COMMD10: variants seen among roughly 807,000 people sequenced by gnomAD.
COMMD10 encodes COMM domain-containing protein 10.
A neutral mutation model predicts 28.9 loss-of-function variants in COMMD10; 33 were observed. The ratio of observed to expected loss-of-function variants is 1.14; its 90% confidence interval spans 0.87 to 1.53. The LOEUF (loss-of-function observed/expected upper bound fraction) is 1.53. Ranked by LOEUF, COMMD10 falls within the 40% of genes most tolerant of loss-of-function variation. COMMD10 has a pLI of 0.00. For missense variants in COMMD10, 310 were observed against 233.4 expected, an observed-to-expected ratio of 1.33 and a Z score of -2.14; for synonymous variants, 110 against 81.7, an observed-to-expected ratio of 1.35 and a Z score of -1.87.
At chr5:116,185,399 G>C (rs1748104204) in intron 5 of COMMD10, among the ~76,000 whole-genome samples, 1 of 152,196 alleles carries the variant, frequency 6.6e-6, no homozygotes, top group Middle Eastern at 3.4e-3. Context: ...GTATTTCTGT[G>C]CAAGATATTG....
chr5:116,105,206 G>A (rs1353282909), intron 4 of COMMD10, among the ~76,000 whole-genome samples: 2 of 152,126 alleles, frequency 1.3e-5, no homozygotes, highest in African/African-American at 4.8e-5. Context: ...TTCTGCATCT[G>A]TTGAGATAAT....
rs772860202 is a variant in COMMD10, at chr5:116,180,653, C to T, written c.510+46475C>T. Among the ~76,000 whole-genome samples, 83 of 151,312 alleles carry T rather than the reference C, an allele frequency of 5.5e-4. 1 individual carries two copies. Among genetic ancestry groups the T allele is most frequent in the Middle Eastern group, 6.8e-3 (2 of 292 alleles). Reference sequence around the variant, plus strand: ...CAATCTTAAAAGTTTATTTGAAAAACGAATTTAGTGAAACCAAAATTAAAA... The same window carrying T: ...CAATCTTAAAAGTTTATTTGAAAAATGAATTTAGTGAAACCAAAATTAAAA... On this transcript the variant is annotated intron_variant, in intron 5 of 6. Transcript: ENST00000274458.
At chr5:116,142,453 G>T (rs1752223490) in intron 5 of COMMD10, among the ~76,000 whole-genome samples, 1 of 151,764 alleles carries the variant, frequency 6.6e-6, no homozygotes, top group South Asian at 2.1e-4. Flanking sequence ...TATTCCTCAA[G>T]AGGATGATTA....
chr5:116,281,635 T>G (rs1751071846), intron 5 of COMMD10, among the ~76,000 whole-genome samples: 1 of 151,864 alleles, frequency 6.6e-6, no homozygotes, highest in East Asian at 1.9e-4. Flanking sequence ...TCTTCCAGTT[T>G]CTCTATATTT....
chr5:116,263,211 G>A (rs1394158665), intron 5 of COMMD10, among the ~76,000 whole-genome samples: 5 of 151,646 alleles, frequency 3.3e-5, no homozygotes, highest in Admixed American at 1.3e-4. Context: ...ACTAAGATAC[G>A]TCTGAATTGG....
intron 4 of COMMD10, among the ~76,000 whole-genome samples, chr5:116,118,274 C>G (rs1370387023): frequency 1.3e-5 from 2 of 151,544 alleles, no homozygotes; most frequent in African/African-American, 4.8e-5. Flanking sequence ...TTTTTGTGGC[C>G]CACTATATAT....
At chr5:116,225,681 C>G (rs1749376908) in intron 5 of COMMD10, among the ~76,000 whole-genome samples, 1 of 152,076 alleles carries the variant, frequency 6.6e-6, no homozygotes. Context: ...TTGACAGTAG[C>G]CATGCCAGCT....
At chr5:116,156,509 A>C (rs902689768) in intron 5 of COMMD10, among the ~76,000 whole-genome samples, 5 of 152,140 alleles carry the variant, frequency 3.3e-5, no homozygotes, top group African/African-American at 9.7e-5. Context: ...GGTTCTTACA[A>C]CACCATTATT....
intron 5 of COMMD10, among the ~76,000 whole-genome samples, chr5:116,237,483 C>G (rs1749698732): frequency 6.6e-6 from 1 of 151,944 alleles, no homozygotes; most frequent in Admixed American, 6.6e-5. Context: ...AATACTACAT[C>G]AAGCTTTTAT....
At chr5:116,137,083 C>T (rs1434584624) in intron 5 of COMMD10, among the ~76,000 whole-genome samples, 2 of 152,026 alleles carry the variant, frequency 1.3e-5, no homozygotes, top group Non-Finnish European at 2.9e-5. Flanking sequence ...ACTACTATAC[C>T]TCTTTTCCTC....
At chr5:116,214,156 T>C (rs1208485794) in intron 5 of COMMD10, among the ~76,000 whole-genome samples, 1 of 152,138 alleles carries the variant, frequency 6.6e-6, no homozygotes, top group African/African-American at 2.4e-5. Flanking sequence ...TGTTGCTTTC[T>C]GGACCTTTGT....
At chr5:116,211,065 A>G (rs1226276053) in intron 5 of COMMD10, among the ~76,000 whole-genome samples, 1 of 152,078 alleles carries the variant, frequency 6.6e-6, no homozygotes, top group Non-Finnish European at 1.5e-5. Context: ...TAAATTTTGG[A>G]AAAAATTATA....
intron 5 of COMMD10, among the ~76,000 whole-genome samples, chr5:116,227,538 G>A (rs1749423786): frequency 6.6e-6 from 1 of 152,046 alleles, no homozygotes; most frequent in Admixed American, 6.6e-5. Flanking sequence ...CCACATTTAT[G>A]TTTTGTCTCC....
chr5:116,125,045 C>G (rs1015171400), intron 4 of COMMD10, among the ~76,000 whole-genome samples: 2 of 152,082 alleles, frequency 1.3e-5, no homozygotes, highest in African/African-American at 4.8e-5. Flanking sequence ...AACATTTAGC[C>G]CATTTACATT....
chr5:116,205,917 A>G (rs1748800890), intron 5 of COMMD10, among the ~76,000 whole-genome samples: 1 of 152,128 alleles, frequency 6.6e-6, no homozygotes, highest in South Asian at 2.1e-4. Context: ...TTTCCCGAAA[A>G]CACTTTGAAT....
At chr5:116,212,651 A>T (rs1820053) in intron 5 of COMMD10, among the ~76,000 whole-genome samples, 48,811 of 151,944 alleles carry the variant, frequency 0.32, 11,093 homozygotes, top group African/African-American at 0.65. Flanking sequence ...TGAAATTACT[A>T]TTGACATTTT....
intron 5 of COMMD10, among the ~76,000 whole-genome samples, chr5:116,170,867 T>C (rs1753304013): frequency 6.6e-6 from 1 of 152,112 alleles, no homozygotes; most frequent in Non-Finnish European, 1.5e-5. Flanking sequence ...ACATAAGACC[T>C]AAAACCATAA....
intron 5 of COMMD10, among the ~76,000 whole-genome samples, chr5:116,213,382 T>C (rs1749017172): frequency 6.6e-6 from 1 of 152,114 alleles, no homozygotes; most frequent in Non-Finnish European, 1.5e-5. Context: ...CTCAGCAAAA[T>C]GATAAATTAG....
chr5:116,240,630 A>T (rs1749786777), intron 5 of COMMD10, among the ~76,000 whole-genome samples: 1 of 152,176 alleles, frequency 6.6e-6, no homozygotes, highest in African/African-American at 2.4e-5. Context: ...CCATTTTAAG[A>T]GTTTCTCCTG....
Sources: gnomAD v4.1 joint callset for allele counts (sites outside exome capture counted in the v4.1 genomes callset) on GRCh38, gnomAD v4.1.1 for gene constraint, MANE v1.5 for transcripts, NCBI Gene and HGNC (gene_info 2026-07-23, HGNC 2026-07-21) for gene names.